SNX21: variants seen among roughly 807,000 people sequenced by gnomAD.
SNX21 encodes sorting nexin-21.
SNX21 carries 36 observed loss-of-function variants against 30.9 expected under a neutral mutation model. That is an observed-to-expected ratio of 1.16 (90% CI 0.89 to 1.54). The LOEUF (loss-of-function observed/expected upper bound fraction) is 1.54, where lower values mean the gene tolerates loss of function less well. SNX21 is among the 40% of genes most tolerant of loss of function. SNX21 has a pLI of 0.00. For missense variants in SNX21, 508 were observed against 516.5 expected, an observed-to-expected ratio of 0.98 and a Z score of 0.16; for synonymous variants, 218 against 222.7, an observed-to-expected ratio of 0.98 and a Z score of 0.19.
chr20:45,834,135 C>T (rs1983260952), intron 1 of SNX21, 66 bp from the exon 2 acceptor site: 1 of 1,426,556 alleles, frequency 7.0e-7, no homozygotes, highest in South Asian at 1.5e-5. Flanking sequence ...GCCCCTCCTC[C>T]TCCTGCGCCG....
At chr20:45,839,750 A>ATTT (rs10700546) in intron 3 of SNX21, among the ~76,000 whole-genome samples, 5 of 149,322 alleles carry the variant, frequency 3.3e-5, no homozygotes, top group Non-Finnish European at 7.4e-5. Context: ...AAAAAAAAAA[A>ATTT]TTTTTTTAAA....
At chr20:45,834,926 G>A in intron 2 of SNX21, 33 bp from the exon 3 acceptor site, 2 of 1,605,470 alleles carry the variant, frequency 1.2e-6, no homozygotes. Context: ...CCTGGCCCTA[G>A]GCCCATTGAT....
chr20:45,840,720 C>T lies in SNX21; in HGVS notation c.529C>T (p.Arg177Trp), dbSNP rs144014614. 1.6e-5 allele frequency: 26 copies of T among 1,614,078 alleles called. No homozygotes were observed. The highest frequency in any genetic ancestry group is 6.6e-5 in the South Asian group (6 of 91,096). Reference protein sequence around the residue: ...QISRRYSDFERLHRNLQRQFR... With the variant: ...QISRRYSDFEWLHRNLQRQFR... ...CTCTCGCCGTTACTCGGACTTTGAG[C>T]GGCTGCACCGAAACCTGCAGCGGCA... The change falls in exon 4 of 4, where the codon CGG becomes TGG. Residue 177 changes from arginine (R) to tryptophan (W), a missense_variant. Coordinates refer to ENST00000491381, the MANE Select transcript of SNX21 (RefSeq NM_033421.4).
chr20:45,841,945 C>A lies in SNX21; in HGVS notation c.*632C>A, dbSNP rs754993050. On this transcript the variant is annotated 3_prime_UTR_variant, in exon 4 of 4. Transcript: ENST00000491381. ...CGCCACAGCCGCCCATGGACCAGCC[C>A]CCGAGAGCCACCTGTGGGTGAGGTG... The A allele has an allele frequency of 1.2e-6, 2 of 1,613,330 alleles. No individual in the cohort carries two copies. The highest frequency in any genetic ancestry group is 1.7e-6 in the Non-Finnish European group (2 of 1,179,988).
chr20:45,834,530 G>A, intron 2 of SNX21, 62 bp downstream of exon 2: 2 of 1,500,110 alleles, frequency 1.3e-6, no homozygotes, highest in Admixed American at 2.2e-5. Context: ...TCCCAGCCGC[G>A]TTCCCAGAGC....
chr20:45,836,490 C>CAAAAAAA (rs74176824), intron 3 of SNX21, among the ~76,000 whole-genome samples: 727 of 50,846 alleles, frequency 0.014, 23 homozygotes, highest in East Asian at 0.02. Flanking sequence ...GACTCCGTCT[C>CAAAAAAA]AAAAAAAAAA....
chr20:45,841,968 G>T lies in SNX21; in HGVS notation c.*655G>T, dbSNP rs1231892533. 10 of 1,612,876 alleles carry T rather than the reference G, an allele frequency of 6.2e-6. No homozygotes were observed. Among genetic ancestry groups the T allele is most frequent in the Non-Finnish European group, 8.5e-6 (10 of 1,179,938 alleles). On this transcript the variant is annotated 3_prime_UTR_variant, in exon 4 of 4. Coordinates refer to ENST00000491381, the MANE Select transcript of SNX21 (RefSeq NM_033421.4). Reference sequence around the variant, plus strand: ...CCCCCGAGAGCCACCTGTGGGTGAGGTGAAGGGTGATGATGGCCTGCTTCA... The same window carrying T: ...CCCCCGAGAGCCACCTGTGGGTGAGTTGAAGGGTGATGATGGCCTGCTTCA...
rs373838523 is a variant in SNX21 at position 45,834,477 on chromosome 20, A to G, written c.289+9A>G. 6.9e-6 allele frequency: 11 copies of G among 1,590,330 alleles called. No homozygotes were observed. Among genetic ancestry groups the G allele is most frequent in the Non-Finnish European group, 8.5e-6 (10 of 1,173,180 alleles). ...GTCAGGAGAAGACGCAGGCGAGTGC[A>G]GGAGGACGGAGGCGGGAACCCTGGG... On this transcript the variant is annotated intron_variant, in intron 2 of 3. Transcript: ENST00000491381.
At chr20:45,837,041 TC>T (rs1018175237) in intron 3 of SNX21, among the ~76,000 whole-genome samples, 10 of 152,208 alleles carry the variant, frequency 6.6e-5, no homozygotes, top group African/African-American at 2.2e-4. Flanking sequence ...ATAAGGACCT[TC>T]CTTGCAGTGC....
rs752760310 is a variant in SNX21, at chr20:45,840,710, G to A, written c.519G>A (p.Ser173=). 14 of 1,614,082 alleles carry A rather than the reference G, an allele frequency of 8.7e-6. No homozygotes were observed. Among genetic ancestry groups the A allele is most frequent in the East Asian group, 6.7e-5 (3 of 44,892 alleles). ...CQPAQISRRY[S]DFERLHRNLQ... ...CAGCCCAGATCTCTCGCCGTTACTC[G>A]GACTTTGAGCGGCTGCACCGAAACC... The change falls in exon 4 of 4, where the codon TCG becomes TCA. Residue 173 remains serine (S), a synonymous_variant. Transcript: ENST00000491381.
chr20:45,834,241 C>T lies in SNX21; in HGVS notation c.62C>T (p.Ala21Val). 1 of 1,570,116 alleles carries T rather than the reference C, an allele frequency of 6.4e-7. No homozygotes were observed. Among genetic ancestry groups the T allele is most frequent in the Non-Finnish European group, 8.6e-7 (1 of 1,165,576 alleles). The change falls in exon 2 of 4, where the codon GCC becomes GTC. Residue 21 changes from alanine to valine, a missense_variant. Physicochemically the swap from Ala to Val is moderately conservative, Grantham distance 64. Transcript: ENST00000491381. ...ASRLLHRLRHALAGDGPGEAA... is the reference protein window; with the variant it reads ...ASRLLHRLRHVLAGDGPGEAA... ...CGGCTCCTGCACCGGCTGCGGCACGCCTTGGCCGGCGACGGCCCCGGGGAG... is the reference window on the plus strand; with the variant it reads ...CGGCTCCTGCACCGGCTGCGGCACGTCTTGGCCGGCGACGGCCCCGGGGAG...
chr20:45,834,900 A>T lies in SNX21; in HGVS notation c.290-59A>T, dbSNP rs933865521. The T allele has an allele frequency of 1.9e-5, 30 of 1,569,890 alleles. No homozygotes were observed. The Admixed American group carries it at 3.5e-4, about 18-fold the overall frequency. On this transcript the variant is annotated intron_variant, in intron 2 of 3. Coordinates refer to ENST00000491381, the MANE Select transcript of SNX21 (RefSeq NM_033421.4). The stretch of plus-strand genomic sequence containing the variant: ...CTGGGAGGATGAGTGAGGCCACGTC[A>T]GTGGTTGATGTCGACCCTGGCCCTA...
At chr20:45,836,974 C>T (rs912307533) in intron 3 of SNX21, among the ~76,000 whole-genome samples, 4 of 152,196 alleles carry the variant, frequency 2.6e-5, no homozygotes, top group East Asian at 1.9e-4. Context: ...GTGTGACTTA[C>T]GGCAAGTCTT....
chr20:45,841,051 C>T lies in SNX21; in HGVS notation c.860C>T (p.Ala287Val). 6.2e-7 allele frequency: 1 copy of T among 1,609,584 alleles called. No homozygotes were observed. The highest frequency in any genetic ancestry group is 2.2e-5 in the East Asian group (1 of 44,836). ...CCAGACCGCCCCCTGCTGACCCTGG[C>T]TGGGCTGGCCGTGTGCCACCAGGAG... ...SGPDRPLLTL[A>V]GLAVCHQELE... is the part of the protein sequence containing the mutation. Residue 287 changes from alanine (A) to valine (V), a missense_variant, in exon 4 of 4, where the codon GCT (alanine) becomes GTT (valine). Ala to Val is a moderately conservative substitution (Grantham distance 64). Transcript: ENST00000491381.
rs766463181 is a variant in SNX21, at chr20:45,841,851, T to C, written c.*538T>C. 1 of 1,605,666 alleles carries C rather than the reference T, an allele frequency of 6.2e-7. No individual in the cohort carries two copies. Among genetic ancestry groups the C allele is most frequent in the South Asian group, 1.1e-5 (1 of 90,044 alleles). ...TGGTACCTCTGGCTACAGCTTGCTC[T>C]CTGAGACCTGGGGCTTCACTCGGAT... On this transcript the variant is annotated 3_prime_UTR_variant, in exon 4 of 4. Coordinates refer to ENST00000491381, the MANE Select transcript of SNX21 (RefSeq NM_033421.4).
chr20:45,840,570 G>A (rs758521727), intron 3 of SNX21, 69 bp from the exon 4 acceptor site: 2 of 1,613,712 alleles, frequency 1.2e-6, no homozygotes, highest in East Asian at 2.2e-5. Context: ...TGTGGGGGAT[G>A]GGGAAGGATG....
chr20:45,834,958 G>C lies in SNX21; in HGVS notation c.290-1G>C, dbSNP rs1237017780. 22 of 1,613,100 alleles carry C rather than the reference G, an allele frequency of 1.4e-5. No individual in the cohort carries two copies. The Admixed American group carries it at 3.3e-4, about 24-fold the overall frequency. On this transcript the variant is annotated splice_acceptor_variant, in intron 2 of 3. Transcript: ENST00000491381. LOFTEE classifies it high-confidence loss of function. ...TGATATGACTGGTCATGTGTCTGCA[G>C]AACGGAGCCCCCCACCTGATGGGCA...
In SNX21 at chr20:45,840,778, C is replaced by T. The variant is rs754348584; in HGVS notation, c.587C>T (p.Pro196Leu). The T allele has an allele frequency of 6.2e-7, 1 of 1,614,090 alleles. No homozygotes were observed. The highest frequency in any genetic ancestry group is 1.1e-5 in the South Asian group (1 of 91,090). ...FRGPMAAISFPRKRLRRNFTA... is the reference protein window; with the variant it reads ...FRGPMAAISFLRKRLRRNFTA... ...GGCCCAATGGCTGCCATCTCCTTCC[C>T]CCGTAAGCGGCTGCGCCGGAATTTT... Residue 196 changes from proline to leucine, a missense_variant, in exon 4 of 4, where the codon CCC becomes CTC. Coordinates refer to ENST00000491381, the MANE Select transcript of SNX21 (RefSeq NM_033421.4).
In SNX21 at chr20:45,840,780, C is replaced by A. The variant is rs757748919; in HGVS notation, c.589C>A (p.Arg197Ser). ...CCCAATGGCTGCCATCTCCTTCCCC[C>A]GTAAGCGGCTGCGCCGGAATTTTAC... ...RGPMAAISFPRKRLRRNFTAE... is the reference protein window; with the variant it reads ...RGPMAAISFPSKRLRRNFTAE... The change falls in exon 4 of 4, where the codon CGT (arginine) becomes AGT (serine). Residue 197 changes from arginine (R) to serine (S), a missense_variant. Transcript: ENST00000491381. 3.2e-5 allele frequency: 52 copies of A among 1,613,948 alleles called. No homozygotes were observed. The highest frequency in any genetic ancestry group is 2.1e-4 in the South Asian group (19 of 91,094).
Sources: gnomAD v4.1 joint callset for allele counts (sites outside exome capture counted in the v4.1 genomes callset) on GRCh38, gnomAD v4.1.1 for gene constraint, MANE v1.5 for transcripts, NCBI Gene and HGNC (gene_info 2026-07-23, HGNC 2026-07-21) for gene names.